Variants in KCNAB1 observed in about 807,000 individuals in gnomAD.
KCNAB1 encodes the protein potassium voltage-gated channel subfamily A regulatory beta subunit 1.
A neutral mutation model predicts 64.6 loss-of-function variants in KCNAB1; 35 were observed. That is an observed-to-expected ratio of 0.54 (90% CI 0.41 to 0.72). The LOEUF (loss-of-function observed/expected upper bound fraction) is 0.72. Among genes scored for constraint, KCNAB1 ranks in the 30% least tolerant of loss-of-function variants. KCNAB1 has a pLI of 0.00. For missense variants in KCNAB1, 401 were observed against 512.9 expected (o/e 0.78, Z 2.11); for synonymous variants, 177 against 183.8 (o/e 0.96, Z 0.30).
intron 1 of KCNAB1, among the ~76,000 whole-genome samples, chr3:156,205,625 C>T (rs1458599827): frequency 6.6e-6 from 1 of 152,174 alleles, no homozygotes; most frequent in Non-Finnish European, 1.5e-5. Context: ...GTTTCTAACA[C>T]CTAGCTCTCT....
chr3:156,234,346 G>T (rs1716729165), intron 1 of KCNAB1, among the ~76,000 whole-genome samples: 1 of 152,104 alleles, frequency 6.6e-6, no homozygotes, highest in Non-Finnish European at 1.5e-5. Context: ...ACTGTAAGAA[G>T]GAGAAGAGAG....
intron 10 of KCNAB1, 42 bp downstream of exon 10, chr3:156,515,262 G>A: frequency 6.4e-7 from 1 of 1,556,118 alleles, no homozygotes; most frequent in East Asian, 2.3e-5. Flanking sequence ...TTTAACAAGA[G>A]AAAGATCACT....
At chr3:156,236,260 C>T (rs769229769) in intron 1 of KCNAB1, among the ~76,000 whole-genome samples, 18 of 152,168 alleles carry the variant, frequency 1.2e-4, no homozygotes, top group African/African-American at 1.7e-4. Context: ...TGCTGACTGC[C>T]GTTCAGCTCC....
chr3:156,250,500 C>CT (rs1267846945), intron 1 of KCNAB1, among the ~76,000 whole-genome samples: 3 of 152,198 alleles, frequency 2.0e-5, no homozygotes, highest in African/African-American at 7.2e-5. Flanking sequence ...ATTCAGCAAG[C>CT]TTTTTGTGCA....
At chr3:156,514,542 T>C (rs1037268342) in intron 9 of KCNAB1, 93 bp downstream of exon 9, 1 of 884,316 alleles carries the variant, frequency 1.1e-6, no homozygotes, top group African/African-American at 1.7e-5. Context: ...TGCAAACTTT[T>C]CTCACAATCA....
chr3:156,388,758 A>G (rs1411541807), intron 1 of KCNAB1, among the ~76,000 whole-genome samples: 1 of 152,152 alleles, frequency 6.6e-6, no homozygotes. Flanking sequence ...AGCTCCACTC[A>G]CAGTTCAAAC....
chr3:156,139,969 G>A (rs926180900), intron 1 of KCNAB1, among the ~76,000 whole-genome samples: 2 of 152,016 alleles, frequency 1.3e-5, no homozygotes, highest in Admixed American at 6.6e-5. Flanking sequence ...CCACTCATAC[G>A]GCATTAAATA....
intron 1 of KCNAB1, among the ~76,000 whole-genome samples, chr3:156,127,661 G>A (rs1242625336): frequency 6.6e-6 from 1 of 152,156 alleles, no homozygotes; most frequent in African/African-American, 2.4e-5. Flanking sequence ...CACTAAAGAT[G>A]GTGATGATGT....
At chr3:156,299,620 G>T (rs1721022138) in intron 1 of KCNAB1, among the ~76,000 whole-genome samples, 1 of 152,172 alleles carries the variant, frequency 6.6e-6, no homozygotes, top group African/African-American at 2.4e-5. Flanking sequence ...TTGAAAGCTT[G>T]CTCCTGAAAG....
At chr3:156,437,160 G>C (rs1373388789) in intron 2 of KCNAB1, among the ~76,000 whole-genome samples, 3 of 151,170 alleles carry the variant, frequency 2.0e-5, no homozygotes, top group Non-Finnish European at 3.0e-5. Context: ...GTAAATTTAA[G>C]AAGGATTGGT....
intron 2 of KCNAB1, among the ~76,000 whole-genome samples, chr3:156,430,462 A>G (rs950257149): frequency 5.4e-4 from 82 of 152,166 alleles, no homozygotes; most frequent in Non-Finnish European, 1.8e-4. Context: ...GTAATGGGGG[A>G]CAAAAGGTCC....
chr3:156,476,261 C>T (rs897275580), intron 8 of KCNAB1, among the ~76,000 whole-genome samples: 1 of 151,956 alleles, frequency 6.6e-6, no homozygotes, highest in Non-Finnish European at 1.5e-5. Flanking sequence ...GAGCAGAATA[C>T]ACTGCACCAT....
chr3:156,410,190 G>GGT (rs1714548060), intron 1 of KCNAB1, among the ~76,000 whole-genome samples: 3 of 152,102 alleles, frequency 2.0e-5, no homozygotes, highest in Non-Finnish European at 4.4e-5. Flanking sequence ...ACTGTTCAAG[G>GGT]CTTCCTTACT....
In KCNAB1 at chr3:156,452,275, C is replaced by T. The variant is rs1712066720; in HGVS notation, c.320-624C>T. ...CAAACGTCTTTGGCTGCTGAGTGTGCATCTCTCCCCTTGCCTTCCCAAACC... is the reference window on the plus strand; with the variant it reads ...CAAACGTCTTTGGCTGCTGAGTGTGTATCTCTCCCCTTGCCTTCCCAAACC... On this transcript the variant is annotated intron_variant, in intron 2 of 13. Transcript: ENST00000490337. The surrounding 1 kb of genome is among the most constrained non-coding windows in gnomAD (Gnocchi z 4.6). Among the ~76,000 whole-genome samples, 2 of 152,194 alleles carry T rather than the reference C, an allele frequency of 1.3e-5. No individual in the cohort carries two copies. The highest frequency in any genetic ancestry group is 1.3e-4 in the Admixed American group (2 of 15,276).
At chr3:156,524,848 T>A (rs931101751) in intron 12 of KCNAB1, among the ~76,000 whole-genome samples, 1 of 150,256 alleles carries the variant, frequency 6.7e-6, no homozygotes, top group African/African-American at 2.4e-5. Flanking sequence ...GGTGTCTCAG[T>A]CAACGACGGA....
chr3:156,420,840 C>A (rs1715416794), intron 1 of KCNAB1, among the ~76,000 whole-genome samples: 1 of 152,010 alleles, frequency 6.6e-6, no homozygotes, highest in African/African-American at 2.4e-5. Flanking sequence ...CTAGTTCTAT[C>A]CTTGTTTAGA....
At chr3:156,295,039 A>T (rs1720689818) in intron 1 of KCNAB1, among the ~76,000 whole-genome samples, 1 of 152,240 alleles carries the variant, frequency 6.6e-6, no homozygotes. Context: ...GCTAAAGTAC[A>T]AGTTGAAGAA....
intron 1 of KCNAB1, chr3:156,291,891 C>A (rs778411838): frequency 6.2e-7 from 1 of 1,613,732 alleles, no homozygotes; most frequent in Non-Finnish European, 8.5e-7. Flanking sequence ...AGGGACCGTG[C>A]GCTGCCTGGG....
At chr3:156,358,304 A>C (rs1725392181) in intron 1 of KCNAB1, among the ~76,000 whole-genome samples, 1 of 152,158 alleles carries the variant, frequency 6.6e-6, no homozygotes, top group Non-Finnish European at 1.5e-5. Flanking sequence ...CAACAAAGCT[A>C]AGGTCATGAC....
Sources: allele counts gnomAD v4.1 joint callset (sites outside exome capture counted in the v4.1 genomes callset), GRCh38; gene constraint gnomAD v4.1.1; non-coding constraint Gnocchi (gnomAD v3.1); transcripts MANE v1.5; gene names NCBI Gene and HGNC (gene_info 2026-07-23, HGNC 2026-07-21).